Variants in PSMC6 observed in about 807,000 individuals in gnomAD.
The protein encoded by PSMC6 is 26S proteasome regulatory subunit 10B.
A neutral mutation model predicts 55.9 loss-of-function variants in PSMC6; 3 were observed. The observed-to-expected ratio is 0.05, with a 90% CI of 0.02 to 0.14. The LOEUF is 0.14. Among genes scored for constraint, PSMC6 ranks in the 10% least tolerant of loss-of-function variants. PSMC6 has a pLI of 1.00. For missense variants in PSMC6, 210 were observed against 478.7 expected (o/e 0.44, Z 5.24); for synonymous variants, 137 against 155.9 (o/e 0.88, Z 0.90).
chr14:52,715,386 T>C (rs1472834624), intron 7 of PSMC6, among the ~76,000 whole-genome samples: 1 of 152,228 alleles, frequency 6.6e-6, no homozygotes, highest in Non-Finnish European at 1.5e-5. Context: ...TTTACAGATA[T>C]GCTGTGATTA....
intron 4 of PSMC6, chr14:52,709,705 G>A: frequency 5.6e-6 from 2 of 359,082 alleles, no homozygotes; most frequent in Non-Finnish European, 1.1e-5. Flanking sequence ...TATCCAAAAT[G>A]CTTGAGCCAG....
At chr14:52,719,804 T>C (rs1222767125) in intron 10 of PSMC6, among the ~76,000 whole-genome samples, 2 of 152,222 alleles carry the variant, frequency 1.3e-5, no homozygotes, top group African/African-American at 4.8e-5. Flanking sequence ...ACTAACACAT[T>C]GTCAGACTAG....
intron 13 of PSMC6, among the ~76,000 whole-genome samples, chr14:52,724,561 C>A (rs1018298724): frequency 6.6e-6 from 1 of 151,964 alleles, no homozygotes; most frequent in African/African-American, 2.4e-5. Flanking sequence ...TGTATGTTGT[C>A]TAATACTAGT....
chr14:52,713,493 T>G (rs1251782542), intron 6 of PSMC6, among the ~76,000 whole-genome samples: 1 of 152,206 alleles, frequency 6.6e-6, no homozygotes, highest in African/African-American at 2.4e-5. Flanking sequence ...TCTTTTGAGT[T>G]GTGTTTTTTG....
Position 52,708,334 on chromosome 14 carries a change from C to G in PSMC6, c.111C>G (p.Thr37=). 2 of 1,612,102 alleles carry G rather than the reference C, an allele frequency of 1.2e-6. No homozygotes were observed. The highest frequency in any genetic ancestry group is 2.2e-5 in the South Asian group (2 of 91,006). Reference sequence around the variant, plus strand: ...TAAGGGAACAATTAAAAGAACTTACCAAGCAGTATGAAAAGTCTGAAAATG... The same window carrying G: ...TAAGGGAACAATTAAAAGAACTTACGAAGCAGTATGAAAAGTCTGAAAATG... ...KELREQLKEL[T]KQYEKSENDL... The change falls in exon 2 of 14, where the codon ACC becomes ACG. Residue 37 remains threonine, a synonymous_variant. Transcript: ENST00000445930.
In PSMC6 at chr14:52,714,064, A is replaced by G. The variant is rs186427566; in HGVS notation, c.529+96A>G. The G allele has an allele frequency of 4.0e-4, 325 of 806,276 alleles. 2 individuals are homozygous for G. The African/African-American group carries it at 5.3e-3, about 13-fold the overall frequency. 49.9% of individuals were successfully genotyped at this position (806,276 alleles called of 1,614,324 possible). On this transcript the variant is annotated intron_variant, in intron 7 of 13. Coordinates refer to ENST00000445930, the MANE Select transcript of PSMC6 (RefSeq NM_002806.5). ...TTTTTTATTTTTATTTTTTTGAGAC[A>G]CGGTCTCACTCTGTTGCCCAGGCTG...
At chr14:52,710,211 A>C (rs1408495644) in intron 4 of PSMC6, 1 of 152,366 alleles carries the variant, frequency 6.6e-6, no homozygotes, top group Non-Finnish European at 1.5e-5. Context: ...GCAGATCACG[A>C]GGTCAGGAGA....
chr14:52,720,367 C>CAAAAAAAAAAAAAAAAAAAAAAAAAAA (rs71444775), intron 10 of PSMC6, among the ~76,000 whole-genome samples: 1 of 41,480 alleles, frequency 2.4e-5, no homozygotes, highest in African/African-American at 8.9e-5. Context: ...AACTCTGTCT[C>CAAAAAAAAAAAAAAAAAAAAAAAAAAA]AAAAAAAAAA....
At chr14:52,711,018 TTGGCTTCTAA>T in intron 4 of PSMC6, 73 bp from the exon 5 acceptor site, 1 of 286,450 alleles carries the variant, frequency 3.5e-6, no homozygotes, top group Non-Finnish European at 5.9e-6. Flanking sequence ...AAATGAGTGT[TTGGCTTCTAA>T]ATATTAAACT....
At chr14:52,714,889 T>A (rs12323357) in intron 7 of PSMC6, among the ~76,000 whole-genome samples, 53,418 of 125,324 alleles carry the variant, frequency 0.43, 12,049 homozygotes, top group Non-Finnish European at 0.48. Context: ...AAAAAAAAAA[T>A]TTTTTTATAT....
intron 3 of PSMC6, 87 bp from the exon 4 acceptor site, chr14:52,708,677 G>C: frequency 6.3e-7 from 1 of 1,581,104 alleles, no homozygotes; most frequent in East Asian, 2.2e-5. Context: ...TTGGAGGACA[G>C]AAATACAACT....
chr14:52,718,737 G>T, intron 9 of PSMC6: 1 of 460,630 alleles, frequency 2.2e-6, no homozygotes, highest in Non-Finnish European at 3.9e-6. Context: ...AGTGAGCCGA[G>T]ATCACACCAC....
intron 9 of PSMC6, 40 bp downstream of exon 9, chr14:52,718,392 T>A: frequency 6.3e-7 from 1 of 1,577,406 alleles, no homozygotes; most frequent in Non-Finnish European, 8.6e-7. Context: ...AGGACTTTTT[T>A]TTAAATGTAA....
intron 4 of PSMC6, chr14:52,709,183 T>A: frequency 1.0e-5 from 2 of 198,218 alleles, no homozygotes; most frequent in South Asian, 1.6e-4. Flanking sequence ...CTGTTACTTA[T>A]GGACTGTACC....
chr14:52,724,063 ATTGATT>A (rs1566661949), intron 13 of PSMC6, 27 bp downstream of exon 13: 1 of 1,583,276 alleles, frequency 6.3e-7, no homozygotes, highest in South Asian at 1.1e-5. Context: ...CAGTTTTACT[ATTGATT>A]TTGATTTTTA....
intron 10 of PSMC6, among the ~76,000 whole-genome samples, chr14:52,719,736 T>G (rs759275216): frequency 6.6e-6 from 1 of 152,176 alleles, no homozygotes; most frequent in Non-Finnish European, 1.5e-5. Flanking sequence ...AACCTTAAAT[T>G]GAGATATTTT....
intron 12 of PSMC6, chr14:52,722,989 T>G (rs1487419738): frequency 6.6e-6 from 1 of 152,234 alleles, no homozygotes; most frequent in African/African-American, 2.4e-5. Context: ...TGGTCCAGAA[T>G]AATGACAAAT....
intron 7 of PSMC6, among the ~76,000 whole-genome samples, chr14:52,717,525 C>T (rs556839268): frequency 7.9e-5 from 12 of 151,096 alleles, no homozygotes; most frequent in African/African-American, 1.7e-4. Context: ...TTAGTAGAGA[C>T]GGGGTTTCAC....
intron 12 of PSMC6, 170 bp from the exon 13 acceptor site, chr14:52,723,795 T>A: frequency 7.2e-7 from 1 of 1,393,226 alleles, no homozygotes; most frequent in Non-Finnish European, 9.3e-7. Flanking sequence ...GGTGCTGGTT[T>A]ATTTAACAGA....
Sources: allele counts gnomAD v4.1 joint callset (sites outside exome capture counted in the v4.1 genomes callset), GRCh38; gene constraint gnomAD v4.1.1; transcripts MANE v1.5; gene names NCBI Gene and HGNC (gene_info 2026-07-23, HGNC 2026-07-21).